STX8: variants seen among roughly 807,000 people sequenced by gnomAD.
The protein encoded by STX8 is syntaxin-8.
STX8 carries 23 observed loss-of-function variants against 37.5 expected under a neutral mutation model. The ratio of observed to expected loss-of-function variants is 0.61; its 90% CI spans 0.44 to 0.87. The LOEUF is 0.87. STX8 is among the 40% of genes least tolerant of loss of function. The pLI is 0.00. For missense variants in STX8, 313 were observed against 284.7 expected (o/e 1.10, Z -0.71); for synonymous variants, 115 against 99.1 (o/e 1.16, Z -0.95).
chr17:9,455,810 G>T (rs765154349), intron 6 of STX8, among the ~76,000 whole-genome samples: 47 of 152,276 alleles, frequency 3.1e-4, no homozygotes, highest in Middle Eastern at 6.8e-3. Context: ...GGCTAACTCT[G>T]TAACAGTCTT....
chr17:9,485,721 G>C (rs1319071119), intron 6 of STX8, among the ~76,000 whole-genome samples: 1 of 152,038 alleles, frequency 6.6e-6, no homozygotes, highest in African/African-American at 2.4e-5. Context: ...GAGTAGCTGG[G>C]ACTACAGGCA....
chr17:9,499,887 G>A (rs1342637892), intron 5 of STX8, among the ~76,000 whole-genome samples: 1 of 152,102 alleles, frequency 6.6e-6, no homozygotes, highest in African/African-American at 2.4e-5. Context: ...CTCTCACACT[G>A]ACCTAAAGCA....
chr17:9,545,755 A>G (rs1468091665), intron 3 of STX8, among the ~76,000 whole-genome samples: 1 of 152,102 alleles, frequency 6.6e-6, no homozygotes, highest in African/African-American at 2.4e-5. Context: ...TAAGTTTTGT[A>G]TTTTTATTAG....
At chr17:9,365,959 C>T (rs1047252446) in intron 7 of STX8, among the ~76,000 whole-genome samples, 16 of 151,738 alleles carry the variant, frequency 1.1e-4, no homozygotes, top group Admixed American at 5.3e-4. Context: ...GGCAACAGAG[C>T]GAGACTCTGT....
At position 9,527,635 on chromosome 17, in the gene STX8, A is replaced by G. The variant is rs151118582; in HGVS notation, c.323+17537T>C. On this transcript the variant is annotated intron_variant, in intron 4 of 7. Coordinates refer to ENST00000306357, the MANE Select transcript of STX8 (RefSeq NM_004853.3). Reference sequence around the variant, plus strand: ...TTTTATTTTCCATACCAAAAGTCACAACTATACCAGTAGTTAAGGGCTGCA... The same window carrying G: ...TTTTATTTTCCATACCAAAAGTCACGACTATACCAGTAGTTAAGGGCTGCA... 2.7e-4 allele frequency among the ~76,000 whole-genome samples: 41 copies of G among 152,296 alleles called. No homozygotes were observed. The East Asian group carries it at 5.4e-3, about 20-fold the overall frequency.
intron 6 of STX8, among the ~76,000 whole-genome samples, chr17:9,442,033 G>A (rs1476767262): frequency 6.6e-6 from 1 of 152,050 alleles, no homozygotes; most frequent in Non-Finnish European, 1.5e-5. Context: ...GGTCTCCCCT[G>A]AGCTCCAGAT....
intron 6 of STX8, among the ~76,000 whole-genome samples, chr17:9,379,159 C>T (rs747310805): frequency 2.7e-5 from 4 of 150,644 alleles, no homozygotes; most frequent in East Asian, 3.9e-4. Flanking sequence ...GTAGGAGAAT[C>T]GCTTGAACCC....
At chr17:9,395,068 C>T in intron 6 of STX8, among the ~76,000 whole-genome samples, 1 of 140,148 alleles carries the variant, frequency 7.1e-6, no homozygotes, top group Non-Finnish European at 1.5e-5. Flanking sequence ...AGAGCAAGAC[C>T]CCGTCTCAAA....
chr17:9,572,699 C>A (rs1348760977), intron 1 of STX8, among the ~76,000 whole-genome samples: 5 of 134,634 alleles, frequency 3.7e-5, no homozygotes, highest in African/African-American at 1.3e-4. Context: ...TGAGCCACCA[C>A]ACCTGGCCTT....
chr17:9,415,642 G>A (rs924699060), intron 6 of STX8, among the ~76,000 whole-genome samples: 7 of 152,016 alleles, frequency 4.6e-5, no homozygotes, highest in East Asian at 1.9e-4. Context: ...GGTGGCAGGC[G>A]CCTGTAGTCC....
chr17:9,267,160 C>T (rs888870294), intron 7 of STX8, among the ~76,000 whole-genome samples: 2 of 152,108 alleles, frequency 1.3e-5, no homozygotes, highest in Non-Finnish European at 2.9e-5. Flanking sequence ...CCATGGGCTG[C>T]GAGGGCAGAC....
intron 2 of STX8, among the ~76,000 whole-genome samples, chr17:9,563,963 T>C (rs555600036): frequency 6.6e-6 from 1 of 152,294 alleles, no homozygotes; most frequent in East Asian, 1.9e-4. Context: ...ATGTGTTTCA[T>C]CACACAAACT....
chr17:9,355,729 C>T (rs189453203), intron 7 of STX8, among the ~76,000 whole-genome samples: 276 of 152,018 alleles, frequency 1.8e-3, no homozygotes, highest in Admixed American at 3.8e-3. Context: ...AGGCTGGTCT[C>T]GAACTTCTGA....
chr17:9,307,683 G>A (rs555961581), intron 7 of STX8, among the ~76,000 whole-genome samples: 30 of 152,224 alleles, frequency 2.0e-4, no homozygotes, highest in African/African-American at 5.8e-4. Flanking sequence ...ATCAGAACGC[G>A]ATACCCCAGA....
At chr17:9,390,671 C>CAAA (rs34634153) in intron 6 of STX8, among the ~76,000 whole-genome samples, 75 of 125,486 alleles carry the variant, frequency 6.0e-4, no homozygotes, top group African/African-American at 1.8e-3. Context: ...ACTAAAAATA[C>CAAA]AAAAAAAAAA....
intron 7 of STX8, among the ~76,000 whole-genome samples, chr17:9,335,062 A>G (rs1469029073): frequency 6.6e-6 from 1 of 152,102 alleles, no homozygotes; most frequent in Non-Finnish European, 1.5e-5. Context: ...GACCTGAGTC[A>G]CCTGTTCCTA....
At chr17:9,253,873 T>C (rs76178720) in intron 7 of STX8, among the ~76,000 whole-genome samples, 3,587 of 152,168 alleles carry the variant, frequency 0.024, 60 homozygotes, top group East Asian at 0.043. Flanking sequence ...CAACAACTGA[T>C]TGGGAAGAAG....
rs5819234 is a variant in STX8, at chr17:9,531,821, G to GT, written c.323+13350dup. On this transcript the variant is annotated intron_variant, in intron 4 of 7. Coordinates refer to ENST00000306357, the MANE Select transcript of STX8 (RefSeq NM_004853.3). Reference sequence around the variant, plus strand: ...TTTTACTTATTTCTACAGATTTCATGTTTTTTTTTTTAAAGTACTATGACA... The same window carrying GT: ...TTTTACTTATTTCTACAGATTTCATGTTTTTTTTTTTTAAAGTACTATGACA... 3.2e-3 allele frequency among the ~76,000 whole-genome samples: 479 copies of GT among 147,518 alleles called. 1 individual carries two copies. Among genetic ancestry groups the GT allele is most frequent in the East Asian group, 0.016 (80 of 5,012 alleles).
chr17:9,544,942 C>T (rs552452024), intron 4 of STX8, among the ~76,000 whole-genome samples: 1 of 152,074 alleles, frequency 6.6e-6, no homozygotes, highest in Non-Finnish European at 1.5e-5. Flanking sequence ...TTGCAGAGAG[C>T]CAAGATCACG....
Sources: gnomAD v4.1 joint callset for allele counts (sites outside exome capture counted in the v4.1 genomes callset) on GRCh38, gnomAD v4.1.1 for gene constraint, MANE v1.5 for transcripts, NCBI Gene and HGNC (gene_info 2026-07-23, HGNC 2026-07-21) for gene names.